ATP2A2: variants seen among roughly 807,000 people sequenced by gnomAD.
ATP2A2 encodes sarcoplasmic/endoplasmic reticulum calcium ATPase 2.
A neutral mutation model predicts 109.3 loss-of-function variants in ATP2A2; 14 were observed. The ratio of observed to expected loss-of-function variants is 0.13; its 90% CI spans 0.08 to 0.20. The LOEUF is 0.20. Among genes scored for constraint, ATP2A2 ranks in the 10% least tolerant of loss-of-function variants. The pLI, the probability that ATP2A2 is intolerant of heterozygous loss-of-function variation, is 1.00. For missense variants in ATP2A2, 657 were observed against 1,321.6 expected (o/e 0.50, Z 7.80); for synonymous variants, 506 against 490.9 (o/e 1.03, Z -0.41).
At chr12:110,317,580 G>A (rs926380307) in intron 5 of ATP2A2, among the ~76,000 whole-genome samples, 1 of 152,114 alleles carries the variant, frequency 6.6e-6, no homozygotes, top group Non-Finnish European at 1.5e-5. Flanking sequence ...GTTTCACCAT[G>A]TTGGCCAGGC....
chr12:110,329,635 C>T (rs1230618986), intron 8 of ATP2A2: 2 of 152,100 alleles, frequency 1.3e-5, no homozygotes, highest in African/African-American at 2.4e-5. Flanking sequence ...TCAGGCTGGT[C>T]TCGAACTCGC....
chr12:110,326,092 G>A (rs1313140811), intron 6 of ATP2A2: 18 of 432,644 alleles, frequency 4.2e-5, no homozygotes, highest in African/African-American at 3.2e-4. Context: ...AATGATTACT[G>A]AAAAATAAAT....
chr12:110,285,460 C>G (rs1319624597), intron 3 of ATP2A2, among the ~76,000 whole-genome samples: 1 of 152,072 alleles, frequency 6.6e-6, no homozygotes, highest in Non-Finnish European at 1.5e-5. Flanking sequence ...TCTTTTCCTG[C>G]TTTGTTAAGA....
chr12:110,309,898 G>A (rs1472728210), intron 5 of ATP2A2, among the ~76,000 whole-genome samples: 8 of 137,820 alleles, frequency 5.8e-5, no homozygotes, highest in Middle Eastern at 3.6e-3. Flanking sequence ...AACAGAGTGA[G>A]ACCCTGACTC....
intron 5 of ATP2A2, among the ~76,000 whole-genome samples, chr12:110,318,365 A>C (rs3026462): frequency 6.6e-4 from 101 of 152,332 alleles, no homozygotes; most frequent in African/African-American, 2.3e-3. Flanking sequence ...GCTTCCTTAG[A>C]GAAGGCTACT....
intron 10 of ATP2A2, 49 bp downstream of exon 10, chr12:110,333,332 TG>T: frequency 6.7e-7 from 1 of 1,502,450 alleles, no homozygotes. Flanking sequence ...AGTTCAAGGG[TG>T]GGGTGGGTGG....
intron 5 of ATP2A2, among the ~76,000 whole-genome samples, chr12:110,300,140 TCC>T (rs1874430468): frequency 2.7e-4 from 5 of 18,322 alleles, no homozygotes; most frequent in African/African-American, 1.0e-3. Flanking sequence ...TCCCCTCCCC[TCC>T]CCTCCTTCTG....
intron 5 of ATP2A2, among the ~76,000 whole-genome samples, chr12:110,308,363 CCCTT>C (rs1875609096): frequency 6.6e-6 from 1 of 151,900 alleles, no homozygotes; most frequent in Admixed American, 6.6e-5. Context: ...TAGGCGGGTG[CCCTT>C]TATCATGTTG....
intron 8 of ATP2A2, chr12:110,331,339 A>C (rs1878317589): frequency 6.6e-6 from 1 of 152,178 alleles, no homozygotes; most frequent in Admixed American, 6.5e-5. Flanking sequence ...AAAACACAAC[A>C]TAGCTTTGTT....
rs150123803 is a variant in ATP2A2 at position 110,340,960 on chromosome 12, A to G, written c.2063A>G (p.Glu688Gly). Residue 688 changes from glutamate to glycine, a missense_variant, in exon 14 of 20, where the codon GAA becomes GGA. Transcript: ENST00000539276. This position sits in a 1 kb window ranked among gnomAD's most constrained non-coding sequence, Gnocchi z 6.0. ...CCCTCCCACAAGTCTAAAATCGTAG[A>G]ATTTCTTCAGTCTTTTGATGAGATT... ...VEPSHKSKIV[E>G]FLQSFDEITA... 4.3e-6 allele frequency: 7 copies of G among 1,614,052 alleles called. No individual in the cohort carries two copies. The African/African-American group carries it at 6.7e-5, about 15-fold the overall frequency.
Position 110,347,458 on chromosome 12 carries a change from G to T in ATP2A2, c.*988G>T, listed in dbSNP as rs1333291584. ...AGAAGGCTCCTGCTCTGCTGTGTAG[G>T]TAGTCATAGGAATTGTATTCTTAAT... is the stretch of plus-strand genomic sequence containing the variant. On this transcript the variant is annotated 3_prime_UTR_variant, in exon 20 of 20. Transcript: ENST00000539276. The T allele has an allele frequency of 1.6e-6, 2 of 1,289,014 alleles. No individual in the cohort carries two copies. The highest frequency in any genetic ancestry group is 1.0e-6 in the Non-Finnish European group (1 of 988,658). The allele number at this position is 1,289,014 out of a possible 1,614,324, so 79.8% of individuals were successfully genotyped here.
chr12:110,286,214 C>T (rs898370937), intron 3 of ATP2A2, among the ~76,000 whole-genome samples: 20 of 152,112 alleles, frequency 1.3e-4, no homozygotes, highest in Admixed American at 5.2e-4. Context: ...TGAACCACTG[C>T]GCCTGGCCTA....
intron 5 of ATP2A2, among the ~76,000 whole-genome samples, chr12:110,298,275 G>A (rs1268068434): frequency 6.6e-6 from 1 of 152,214 alleles, no homozygotes; most frequent in Non-Finnish European, 1.5e-5. Flanking sequence ...AAAAAGGATA[G>A]TGTTACATAT....
In ATP2A2 at chr12:110,347,057, C is replaced by T. The variant is rs1879942013; in HGVS notation, c.*587C>T. 1 of 1,081,402 alleles carries T rather than the reference C, an allele frequency of 9.2e-7. No individual in the cohort carries two copies. Among genetic ancestry groups the T allele is most frequent in the Admixed American group, 4.9e-5 (1 of 20,588 alleles). The allele number at this position is 1,081,402 out of a possible 1,614,324, so 67.0% of individuals were successfully genotyped here. On this transcript the variant is annotated 3_prime_UTR_variant, in exon 20 of 20. Coordinates refer to ENST00000539276, the MANE Select transcript of ATP2A2 (RefSeq NM_170665.4). ...CCACCTCTCCCCACCTTACCCCCGC[C>T]CCGCTTGGCTTCTTCTTTAGGATTG...
rs773590751 is a variant in ATP2A2, at chr12:110,339,752, C to A, written c.1761+31C>A. The A allele has an allele frequency of 6.3e-7, 1 of 1,598,354 alleles. No individual in the cohort carries two copies. The highest frequency in any genetic ancestry group is 8.6e-7 in the Non-Finnish European group (1 of 1,166,632). On this transcript the variant is annotated intron_variant, in intron 13 of 19. Coordinates refer to ENST00000539276, the MANE Select transcript of ATP2A2 (RefSeq NM_170665.4). The surrounding 1 kb of genome is among the most constrained non-coding windows in gnomAD (Gnocchi z 4.4). ...CTAATGAAAAGTTTCTTTGTCCACA[C>A]CCTGCACGATTCATTGTGTTTAAAC...
In ATP2A2 at chr12:110,347,707, A is replaced by ATGAG. The variant is rs1280222637; in HGVS notation, c.*1239_*1242dup. ...CGATCAATGTTTGCGCATGTTCGAG[A>ATGAG]TGAGTCTCACCAACAGTGTGTAAGT... On this transcript the variant is annotated 3_prime_UTR_variant, in exon 20 of 20. Coordinates refer to ENST00000539276, the MANE Select transcript of ATP2A2 (RefSeq NM_170665.4). 1.7e-6 allele frequency: 2 copies of ATGAG among 1,166,912 alleles called. No individual in the cohort carries two copies. The highest frequency in any genetic ancestry group is 1.6e-5 in the African/African-American group (1 of 62,226). 72.3% of individuals were successfully genotyped at this position (1,166,912 alleles called of 1,614,324 possible).
rs988306010 is a variant in ATP2A2 at position 110,327,496 on chromosome 12, G to C, written c.631-57G>C. 15 of 1,527,728 alleles carry C rather than the reference G, an allele frequency of 9.8e-6. No homozygotes were observed. Among genetic ancestry groups the C allele is most frequent in the Non-Finnish European group, 1.3e-5 (14 of 1,101,504 alleles). The allele number at this position is 1,527,728 out of a possible 1,614,324, so 94.6% of individuals were successfully genotyped here. On this transcript the variant is annotated intron_variant, in intron 7 of 19. Transcript: ENST00000539276. The surrounding 1 kb of genome is among the most constrained non-coding windows in gnomAD (Gnocchi z 4.4). ...GTGCCCTAGTCAAAAACCAGCGTCG[G>C]TATTTAAGTTGGGATGTGGTATTCA...
chr12:110,346,736 A>G lies in ATP2A2; in HGVS notation c.*266A>G. Reference sequence around the variant, plus strand: ...TTTTTGTAGATGAAAAAGCATGTACAGTGTTCTGTTTAATACTCATCCTTG... The same window carrying G: ...TTTTTGTAGATGAAAAAGCATGTACGGTGTTCTGTTTAATACTCATCCTTG... On this transcript the variant is annotated 3_prime_UTR_variant, in exon 20 of 20. Coordinates refer to ENST00000539276, the MANE Select transcript of ATP2A2 (RefSeq NM_170665.4). 2.3e-6 allele frequency: 3 copies of G among 1,329,802 alleles called. No homozygotes were observed. The highest frequency in any genetic ancestry group is 2.9e-6 in the Non-Finnish European group (3 of 1,036,498). 82.4% of individuals were successfully genotyped at this position (1,329,802 alleles called of 1,614,324 possible). A position where few individuals can be genotyped will look rare whatever the true frequency, so the allele number is the denominator to read the frequency against.
At position 110,347,365 on chromosome 12, in the gene ATP2A2, T is replaced by TAACA. The variant is rs1349904598; in HGVS notation, c.*896_*899dup. ...AACTCGTAAGTGGCTTACCTGGGAC[T>TAACA]AACAGACATGTCCAACTTTCTCTCC... On this transcript the variant is annotated 3_prime_UTR_variant, in exon 20 of 20. Transcript: ENST00000539276. The TAACA allele has an allele frequency of 7.8e-6, 10 of 1,289,258 alleles. No homozygotes were observed. Among genetic ancestry groups the TAACA allele is most frequent in the African/African-American group, 1.5e-5 (1 of 65,974 alleles). The allele number at this position is 1,289,258 out of a possible 1,614,324, so 79.9% of individuals were successfully genotyped here.
Sources: allele counts gnomAD v4.1 joint callset (sites outside exome capture counted in the v4.1 genomes callset), GRCh38; gene constraint gnomAD v4.1.1; non-coding constraint Gnocchi (gnomAD v3.1); transcripts MANE v1.5; gene names NCBI Gene and HGNC (gene_info 2026-07-23, HGNC 2026-07-21).